Variants in STK11 observed in about 807,000 individuals in gnomAD.
The protein encoded by STK11 is serine/threonine-protein kinase STK11.
In STK11, 8 loss-of-function variants were observed where a neutral mutation model predicts 47.3. The observed-to-expected ratio is 0.17, with a 90% confidence interval of 0.10 to 0.31. The LOEUF is 0.31. Ranked by LOEUF, STK11 falls within the 10% of genes least tolerant of loss-of-function variation. STK11 has a pLI of 1.00. For synonymous variants in STK11, 330 were observed against 255.8 expected (o/e 1.29, Z -2.77); for missense variants, 475 against 605.0 (o/e 0.79, Z 2.25).
In STK11 at chr19:1,220,646, G is replaced by A. The variant is rs587780720; in HGVS notation, c.663G>A (p.Pro221=). The A allele has an allele frequency of 1.9e-6, 3 of 1,609,256 alleles. No individual in the cohort carries two copies. Among genetic ancestry groups the A allele is most frequent in the East Asian group, 2.2e-5 (1 of 44,786 alleles). The change falls in exon 5 of 10, where the codon CCG becomes CCA. Residue 221 remains proline, a synonymous_variant. Transcript: ENST00000326873. Reference sequence around the variant, plus strand: ...GCCAGGGCTCCCCGGCTTTCCAGCCGCCCGAGATTGCCAACGGCCTGGACA... The same window carrying A: ...GCCAGGGCTCCCCGGCTTTCCAGCCACCCGAGATTGCCAACGGCCTGGACA... ...RTSQGSPAFQ[P]PEIANGLDTF...
intron 1 of STK11, among the ~76,000 whole-genome samples, chr19:1,210,546 G>A (rs969776906): frequency 6.6e-6 from 1 of 152,182 alleles, no homozygotes; most frequent in African/African-American, 2.4e-5. Context: ...AATCTTATTA[G>A]AAATAGGAAA....
chr19:1,206,921 T>C lies in STK11; in HGVS notation c.8T>C (p.Val3Ala). The change falls in exon 1 of 10, where the codon GTG (valine) becomes GCG (alanine). Residue 3 changes from valine to alanine, a missense_variant. By Grantham distance (64) the Val-to-Ala change is moderately conservative (BLOSUM62 0). This residue lies in a region of STK11 where 33 missense variants were observed against 26.8 expected (regional missense o/e 1.23). Coordinates refer to ENST00000326873, the MANE Select transcript of STK11 (RefSeq NM_000455.5). ME[V>A]VDPQQLGMFT... is the part of the protein sequence containing the mutation. ...CAGGACCCTGGGTCCAGCATGGAGG[T>C]GGTGGACCCGCAGCAGCTGGGCATG... The C allele has an allele frequency of 6.3e-7, 1 of 1,576,974 alleles. No individual in the cohort carries two copies. The highest frequency in any genetic ancestry group is 8.6e-7 in the Non-Finnish European group (1 of 1,162,780).
chr19:1,222,346 T>C (rs1466898013), intron 7 of STK11, among the ~76,000 whole-genome samples: 2 of 152,042 alleles, frequency 1.3e-5, no homozygotes, highest in African/African-American at 2.4e-5. Context: ...AGCAGCAGGG[T>C]GTGGCTGGGA....
intron 3 of STK11, among the ~76,000 whole-genome samples, chr19:1,219,825 A>G (rs2080770261): frequency 6.6e-6 from 1 of 152,140 alleles, no homozygotes; most frequent in Non-Finnish European, 1.5e-5. Context: ...GATTACAGGC[A>G]TGAGCTACCA....
intron 1 of STK11, among the ~76,000 whole-genome samples, chr19:1,208,374 C>A (rs1248959028): frequency 6.8e-6 from 1 of 147,290 alleles, no homozygotes; most frequent in African/African-American, 2.5e-5. Flanking sequence ...GTGGCGCGAA[C>A]TGGGCTCACT....
Position 1,206,744 on chromosome 19 carries a change from A to G in STK11, c.-170A>G. The G allele has an allele frequency of 2.2e-6, 2 of 924,576 alleles. No individual in the cohort carries two copies. The highest frequency in any genetic ancestry group is 1.6e-6 in the Non-Finnish European group (1 of 636,702). The allele number at this position is 924,576 out of a possible 1,614,324, so 57.3% of individuals were successfully genotyped here. The stretch of plus-strand genomic sequence containing the variant: ...CGCAGCCGGGACTGACGTGTAGAAC[A>G]ATCGTTTCTGTTGGAAGAAGGGTTT... On this transcript the variant is annotated 5_prime_UTR_variant, in exon 1 of 10. Transcript: ENST00000326873.
At chr19:1,225,059 G>T (rs1011957106) in intron 8 of STK11, 21 of 985,762 alleles carry the variant, frequency 2.1e-5, no homozygotes, top group Non-Finnish European at 2.4e-5. Flanking sequence ...TGCGGGTCCT[G>T]CTGCCAACAC....
Position 1,215,239 on chromosome 19 carries a change from C to T in STK11, c.291-3178C>T, listed in dbSNP as rs866734140. On this transcript the variant is annotated intron_variant, in intron 1 of 9. Coordinates refer to ENST00000326873, the MANE Select transcript of STK11 (RefSeq NM_000455.5). Reference sequence around the variant, plus strand: ...TGCCTGCCAGGCTGTGGACACAGGCCCTGGCCAGTTCTATAAATAACCTTG... The same window carrying T: ...TGCCTGCCAGGCTGTGGACACAGGCTCTGGCCAGTTCTATAAATAACCTTG... 1.3e-5 allele frequency among the ~76,000 whole-genome samples: 2 copies of T among 152,306 alleles called. 1 individual carries two copies. Among genetic ancestry groups the T allele is most frequent in the South Asian group, 4.1e-4 (2 of 4,826 alleles).
At chr19:1,227,496 A>T (rs62128833) in intron 9 of STK11, 97 bp from the exon 10 acceptor site, 1 of 1,054,072 alleles carries the variant, frequency 9.5e-7, no homozygotes, top group South Asian at 4.6e-5. Flanking sequence ...CGGTAGCCCC[A>T]TGACTGTACC....
chr19:1,223,485 G>A (rs549541848), intron 8 of STK11, among the ~76,000 whole-genome samples: 10 of 152,226 alleles, frequency 6.6e-5, no homozygotes, highest in Admixed American at 3.3e-4. Flanking sequence ...AGGAGCAGGC[G>A]GGGGAGCCCC....
intron 8 of STK11, chr19:1,225,837 T>C (rs367898527): frequency 2.0e-6 from 2 of 986,016 alleles, no homozygotes; most frequent in South Asian, 4.7e-5. Flanking sequence ...TCCTGCACTT[T>C]CCCCTGCCAT....
At position 1,223,120 on chromosome 19, in the gene STK11, C is replaced by T. The variant is rs768217700; in HGVS notation, c.1056C>T (p.Asp352=). The part of the protein sequence containing the change: ...EDLHGADEDE[D]LFDIEDDIIY... ...TGCACGGCGCGGACGAGGACGAGGA[C>T]CTCTTCGACATCGAGGATGACATCA... Residue 352 remains aspartate (D), a synonymous_variant, in exon 8 of 10, where the codon GAC becomes GAT. Transcript: ENST00000326873. 5 of 1,611,758 alleles carry T rather than the reference C, an allele frequency of 3.1e-6. No individual in the cohort carries two copies. The highest frequency in any genetic ancestry group is 4.2e-6 in the Non-Finnish European group (5 of 1,179,494).
rs1392442506 is a variant in STK11, at chr19:1,227,832, G to A, written c.*256G>A. The A allele has an allele frequency of 1.9e-6, 2 of 1,071,408 alleles. No homozygotes were observed. The highest frequency in any genetic ancestry group is 9.6e-5 in the East Asian group (2 of 20,898). 66.4% of individuals were successfully genotyped at this position (1,071,408 alleles called of 1,614,324 possible). On this transcript the variant is annotated 3_prime_UTR_variant, in exon 10 of 10. Coordinates refer to ENST00000326873, the MANE Select transcript of STK11 (RefSeq NM_000455.5). The stretch of plus-strand genomic sequence containing the variant: ...GCAGCCCCGGGCGGAGCCTTCCCGG[G>A]CGGGCGTGGGAGGAGGGAGGCGGCC...
chr19:1,214,976 A>G (rs942137447), intron 1 of STK11, among the ~76,000 whole-genome samples: 1 of 152,162 alleles, frequency 6.6e-6, no homozygotes, highest in South Asian at 2.1e-4. Context: ...CCCCCCGGCC[A>G]CCGCATCTCC....
chr19:1,209,995 G>T (rs960666867), intron 1 of STK11, among the ~76,000 whole-genome samples: 17 of 152,192 alleles, frequency 1.1e-4, no homozygotes, highest in African/African-American at 4.1e-4. Flanking sequence ...TTTCATCCTG[G>T]CCCTGAGTGT....
intron 8 of STK11, chr19:1,223,576 T>G (rs904389672): frequency 4.4e-5 from 47 of 1,079,774 alleles, no homozygotes; most frequent in African/African-American, 3.3e-5. Flanking sequence ...CCAGTGGCCC[T>G]CCCTCCCGTC....
chr19:1,225,681 C>T (rs1313638491), intron 8 of STK11: 3 of 985,506 alleles, frequency 3.0e-6, no homozygotes, highest in Non-Finnish European at 2.4e-6. Context: ...GGGCTCTGCA[C>T]TGGGCACATG....
At chr19:1,226,286 G>A (rs1049073835) in intron 8 of STK11, 168 bp from the exon 9 acceptor site, 1 of 1,443,758 alleles carries the variant, frequency 6.9e-7, no homozygotes, top group African/African-American at 1.4e-5. Flanking sequence ...GCCTCCCAGA[G>A]CTGCTGGGGG....
rs560906221 is a variant in STK11 at position 1,214,101 on chromosome 19, G to A, written c.291-4316G>A. Among the ~76,000 whole-genome samples the A allele has an allele frequency of 2.1e-3, 313 of 152,346 alleles. 2 individuals carry two copies. The highest frequency in any genetic ancestry group is 7.0e-3 in the African/African-American group (290 of 41,580). ...AGCGGCTGGCGATGCCCCAAGAGCC[G>A]GGCTTCCCCCTCCTGGAGGCTCTTC... is the stretch of plus-strand genomic sequence containing the variant. On this transcript the variant is annotated intron_variant, in intron 1 of 9. Transcript: ENST00000326873.
Sources: gnomAD v4.1 joint callset for allele counts (sites outside exome capture counted in the v4.1 genomes callset) on GRCh38, gnomAD v4.1.1 for gene constraint, gnomAD v4.1.1 regional missense constraint, MANE v1.5 for transcripts, NCBI Gene and HGNC (gene_info 2026-07-23, HGNC 2026-07-21) for gene names.